THSD7B: variants seen among roughly 807,000 people sequenced by gnomAD.
THSD7B encodes thrombospondin type 1 domain containing 7B.
Under a neutral mutation model 213.6 loss-of-function variants are expected in THSD7B, and 138 were observed. The ratio of observed to expected loss-of-function variants is 0.65; its 90% confidence interval spans 0.56 to 0.74. The LOEUF (loss-of-function observed/expected upper bound fraction) is 0.74, where lower values mean the gene tolerates loss of function less well. THSD7B is among the 30% of genes least tolerant of loss of function. The pLI, the probability that THSD7B is intolerant of heterozygous loss-of-function variation, is 0.00. For synonymous variants in THSD7B, 742 were observed against 687.0 expected, an observed-to-expected ratio of 1.08 and a Z score of -1.25; for missense variants, 1,931 against 1,991.5, an observed-to-expected ratio of 0.97 and a Z score of 0.58.
chr2:137,524,523 T>G (rs1311911683), intron 15 of THSD7B, among the ~76,000 whole-genome samples: 2 of 152,174 alleles, frequency 1.3e-5, no homozygotes, highest in African/African-American at 4.8e-5. Context: ...AGGTGATGGC[T>G]GCATCCTTGT....
Position 137,559,642 on chromosome 2 carries a change from A to T in THSD7B, c.3139-3579A>T, listed in dbSNP as rs564892385. Among the ~76,000 whole-genome samples, 7 of 152,346 alleles carry T rather than the reference A, an allele frequency of 4.6e-5. No homozygotes were observed. In the South Asian group the frequency reaches 1.4e-3, roughly 32 times the overall value. On this transcript the variant is annotated intron_variant, in intron 15 of 27. Coordinates refer to ENST00000409968, the MANE Select transcript of THSD7B (RefSeq NM_001316349.2). ...GAAAACCTAGGCAATACCATTCAGG[A>T]CATAGGCATGGGCAAAGACTTCATG... is the stretch of plus-strand genomic sequence containing the variant.
chr2:137,444,099 TA>T, intron 14 of THSD7B, among the ~76,000 whole-genome samples: 1 of 152,026 alleles, frequency 6.6e-6, no homozygotes, highest in Admixed American at 6.6e-5. Context: ...TTCAGAATTC[TA>T]AAAAGAAGAG....
At chr2:137,367,445 T>A (rs894015819) in intron 12 of THSD7B, among the ~76,000 whole-genome samples, 2 of 152,148 alleles carry the variant, frequency 1.3e-5, no homozygotes, top group African/African-American at 4.8e-5. Flanking sequence ...CTGTCACCCC[T>A]ATGCAATATA....
rs1681934770 is a variant in THSD7B at position 137,242,501 on chromosome 2, T to G, written c.2195T>G (p.Leu732Arg). Residue 732 changes from leucine (L) to arginine (R), a missense_variant, in exon 10 of 28, where the codon CTC becomes CGC. Coordinates refer to ENST00000409968, the MANE Select transcript of THSD7B (RefSeq NM_001316349.2). ...CCTGAAACTGTGCGCCCCTGTTTTC[T>G]CCCATGCAAAAAAGACTGTATTGTG... ...TRPETVRPCF[L>R]PCKKDCIVTA... 6.2e-7 allele frequency: 1 copy of G among 1,613,752 alleles called. No individual in the cohort carries two copies. The highest frequency in any genetic ancestry group is 1.3e-5 in the African/African-American group (1 of 74,912).
intron 10 of THSD7B, among the ~76,000 whole-genome samples, chr2:137,256,361 A>C (rs897407417): frequency 1.3e-5 from 2 of 152,214 alleles, no homozygotes; most frequent in African/African-American, 4.8e-5. Flanking sequence ...ACAGGACATT[A>C]TGGAGCCAGA....
intron 7 of THSD7B, among the ~76,000 whole-genome samples, chr2:137,207,854 C>A (rs6739628): frequency 0.013 from 1,930 of 152,152 alleles, 44 homozygotes; most frequent in African/African-American, 0.042. Context: ...TTTGTGCCAT[C>A]ATTGTGTGAT....
intron 20 of THSD7B, among the ~76,000 whole-genome samples, chr2:137,629,481 T>G (rs1337350490): frequency 6.6e-6 from 1 of 152,194 alleles, no homozygotes; most frequent in Non-Finnish European, 1.5e-5. Context: ...CAGACCCTGT[T>G]GTCTACTAGA....
intron 2 of THSD7B, among the ~76,000 whole-genome samples, chr2:136,957,365 T>C (rs1685143699): frequency 6.6e-6 from 1 of 151,524 alleles, no homozygotes; most frequent in Non-Finnish European, 1.5e-5. Flanking sequence ...GAGGAGGTCC[T>C]GAGGGCACTG....
intron 12 of THSD7B, among the ~76,000 whole-genome samples, chr2:137,316,200 G>T (rs16838737): frequency 0.056 from 8,467 of 152,128 alleles, 317 homozygotes; most frequent in East Asian, 0.099. Flanking sequence ...CTGCATGTGT[G>T]GGCGAAAAAA....
intron 16 of THSD7B, among the ~76,000 whole-genome samples, chr2:137,569,371 T>C (rs1681307156): frequency 6.6e-6 from 1 of 152,190 alleles, no homozygotes; most frequent in Non-Finnish European, 1.5e-5. Context: ...AACCTCTGTT[T>C]ACAGGATGGT....
At chr2:137,072,719 A>G (rs1687522948) in intron 3 of THSD7B, among the ~76,000 whole-genome samples, 1 of 152,170 alleles carries the variant, frequency 6.6e-6, no homozygotes, top group Non-Finnish European at 1.5e-5. Context: ...TTGCCCATTC[A>G]GTATGATATT....
chr2:137,601,388 C>T (rs1682074026), intron 17 of THSD7B, among the ~76,000 whole-genome samples: 1 of 152,080 alleles, frequency 6.6e-6, no homozygotes, highest in African/African-American at 2.4e-5. Flanking sequence ...TGTTACTCTA[C>T]CTTTTTTATT....
chr2:137,125,305 C>T (rs963867252), intron 5 of THSD7B, among the ~76,000 whole-genome samples: 1 of 152,190 alleles, frequency 6.6e-6, no homozygotes, highest in Non-Finnish European at 1.5e-5. Flanking sequence ...TCAAACCCTG[C>T]TGCTGCTTTT....
chr2:136,977,375 T>G (rs1430436769), intron 2 of THSD7B, among the ~76,000 whole-genome samples: 1 of 152,066 alleles, frequency 6.6e-6, no homozygotes, highest in African/African-American at 2.4e-5. Flanking sequence ...TTTATTAGTC[T>G]ACCTAGCAGT....
chr2:137,157,828 T>G (rs771687583), intron 5 of THSD7B, among the ~76,000 whole-genome samples: 20 of 152,216 alleles, frequency 1.3e-4, no homozygotes, highest in African/African-American at 2.7e-4. Flanking sequence ...AAGTGGGTTA[T>G]AACTAGTGTC....
intron 15 of THSD7B, among the ~76,000 whole-genome samples, chr2:137,468,544 G>A (rs1688034919): frequency 7.0e-6 from 1 of 143,258 alleles, no homozygotes; most frequent in African/African-American, 2.6e-5. Context: ...GGAACCACAT[G>A]AGGGAAAGTC....
At chr2:137,669,793 A>G (rs893058455) in intron 27 of THSD7B, among the ~76,000 whole-genome samples, 5 of 152,226 alleles carry the variant, frequency 3.3e-5, no homozygotes, top group Non-Finnish European at 5.9e-5. Context: ...AAGATTAAAA[A>G]TTTACGTGTA....
At position 137,541,376 on chromosome 2, in the gene THSD7B, C is replaced by T. The variant is rs1214018267; in HGVS notation, c.3139-21845C>T. Among the ~76,000 whole-genome samples the T allele has an allele frequency of 2.0e-5, 3 of 151,352 alleles. No individual in the cohort carries two copies. The East Asian group carries it at 5.8e-4, about 29-fold the overall frequency. On this transcript the variant is annotated intron_variant, in intron 15 of 27. Transcript: ENST00000409968. The stretch of plus-strand genomic sequence containing the variant: ...TGTCTGAGGAAGCTGGGATGTTAGA[C>T]TTAAGGAGACAACTATTTTTCAAAT...
At chr2:137,157,281 A>T (rs1202433837) in intron 5 of THSD7B, among the ~76,000 whole-genome samples, 3 of 152,150 alleles carry the variant, frequency 2.0e-5, no homozygotes, top group Admixed American at 1.3e-4. Context: ...ACAGTACAGA[A>T]AGCTGCCCAT....
Sources: gnomAD v4.1 joint callset for allele counts (sites outside exome capture counted in the v4.1 genomes callset) on GRCh38, gnomAD v4.1.1 for gene constraint, MANE v1.5 for transcripts, NCBI Gene and HGNC (gene_info 2026-07-23, HGNC 2026-07-21) for gene names.